Variants in ST6GALNAC2 observed in about 807,000 individuals in gnomAD.
ST6GALNAC2 encodes alpha-N-acetylgalactosaminide alpha-2,6-sialyltransferase 2.
In ST6GALNAC2, 42 loss-of-function variants were observed where a neutral mutation model predicts 38.7. That is an observed-to-expected ratio of 1.09 (90% CI 0.85 to 1.40). ST6GALNAC2 has a LOEUF of 1.40. ST6GALNAC2 is among the 40% of genes most tolerant of loss of function. The pLI, the probability that ST6GALNAC2 is intolerant of heterozygous loss-of-function variation, is 0.00. For missense variants in ST6GALNAC2, 506 were observed against 481.7 expected (o/e 1.05, Z -0.47); for synonymous variants, 233 against 209.0 (o/e 1.11, Z -0.99).
At chr17:76,566,712 AAAG>A (rs1418357302) in intron 8 of ST6GALNAC2, among the ~76,000 whole-genome samples, 7 of 151,864 alleles carry the variant, frequency 4.6e-5, no homozygotes, top group South Asian at 4.2e-4. Flanking sequence ...AAAAAAAAAA[AAAG>A]AGCTGGGCGT....
chr17:76,585,593 G>A, intron 1 of ST6GALNAC2, 91 bp downstream of exon 1: 2 of 1,374,504 alleles, frequency 1.5e-6, no homozygotes, highest in Middle Eastern at 2.7e-4. Flanking sequence ...TGGGCTGAGG[G>A]CTGCGGGCCG....
At position 76,566,232 on chromosome 17, in the gene ST6GALNAC2, A is replaced by T. The variant is rs749742258; in HGVS notation, c.997T>A (p.Phe333Ile). The T allele has an allele frequency of 6.2e-7, 1 of 1,614,110 alleles. No individual in the cohort carries two copies. Among genetic ancestry groups the T allele is most frequent in the South Asian group, 1.1e-5 (1 of 91,078 alleles). Residue 333 changes from phenylalanine to isoleucine, a missense_variant, in exon 9 of 9, where the codon TTT becomes ATT. Transcript: ENST00000225276. The stretch of plus-strand genomic sequence containing the variant: ...TTTCGTTCGAAATAGTGGTCGGAAA[A>T]TTTCCAGTAGTTGCTTGTGATGAAT... ...YGFITSNYWK[F>I]SDHYFERKMK...
intron 8 of ST6GALNAC2, among the ~76,000 whole-genome samples, chr17:76,566,578 C>T (rs1461173036): frequency 2.6e-5 from 4 of 152,056 alleles, no homozygotes; most frequent in Non-Finnish European, 5.9e-5. Context: ...TAGGAAAAGG[C>T]CCTGTGTGGT....
Position 76,573,179 on chromosome 17 carries a change from C to A in ST6GALNAC2, c.530+16G>T. The A allele has an allele frequency of 6.2e-7, 1 of 1,602,856 alleles. No homozygotes were observed. The highest frequency in any genetic ancestry group is 1.1e-5 in the South Asian group (1 of 89,706). On this transcript the variant is annotated intron_variant, in intron 4 of 8. Transcript: ENST00000225276. The surrounding 1 kb of genome is among the most constrained non-coding windows in gnomAD (Gnocchi z 5.1). ...AACTCTCCCTCCCGCCCCTCCCCAG[C>A]TCCTACCCCTCATACCTGAATACAT...
chr17:76,585,493 G>T (rs963375476), intron 1 of ST6GALNAC2, among the ~76,000 whole-genome samples, 191 bp downstream of exon 1: 2 of 152,216 alleles, frequency 1.3e-5, no homozygotes, highest in African/African-American at 4.8e-5. Context: ...TCCGGGCAGC[G>T]CGAGGTCAAG....
At position 76,565,942 on chromosome 17, in the gene ST6GALNAC2, G is replaced by C. The variant is rs2075275150; in HGVS notation, c.*162C>G. On this transcript the variant is annotated 3_prime_UTR_variant, in exon 9 of 9. Coordinates refer to ENST00000225276, the MANE Select transcript of ST6GALNAC2 (RefSeq NM_006456.3). ...TCTTGGATGAGCCAAGGACAAGCTG[G>C]GGTGTCCTATATTGAACAGACCTCG... 1.5e-6 allele frequency: 1 copy of C among 660,234 alleles called. No homozygotes were observed. Among genetic ancestry groups the C allele is most frequent in the East Asian group, 2.8e-5 (1 of 35,718 alleles). 40.9% of individuals were successfully genotyped at this position (660,234 alleles called of 1,614,324 possible).
At chr17:76,583,602 CT>C (rs78559643) in intron 1 of ST6GALNAC2, among the ~76,000 whole-genome samples, 526 of 11,544 alleles carry the variant, frequency 0.046, 1 homozygote, top group African/African-American at 0.086. Context: ...TGGTGAAGGC[CT>C]TTTTTTTTTT....
At chr17:76,583,920 G>A (rs1480399495) in intron 1 of ST6GALNAC2, among the ~76,000 whole-genome samples, 1 of 147,076 alleles carries the variant, frequency 6.8e-6, no homozygotes, top group Non-Finnish European at 1.5e-5. Context: ...CCATTCTCCT[G>A]CCTCAGCCTC....
chr17:76,575,679 G>A (rs1383445358), intron 2 of ST6GALNAC2, among the ~76,000 whole-genome samples: 1 of 152,110 alleles, frequency 6.6e-6, no homozygotes, highest in East Asian at 1.9e-4. Context: ...AGCAGCCACG[G>A]GGAAGGAACA....
At position 76,570,673 on chromosome 17, in the gene ST6GALNAC2, CAGAA is replaced by C. The variant is rs1278404450; in HGVS notation, c.670-9_670-6del. The stretch of plus-strand genomic sequence containing the variant: ...GATGAAGATATACTGCAGGTCCTGT[CAGAA>C]TAGAGACAATGAGCCCAGAGGGGAA... On this transcript the variant is annotated splice_region_variant and splice_polypyrimidine_tract_variant and intron_variant, in intron 5 of 8. Transcript: ENST00000225276. 1.2e-6 allele frequency: 2 copies of C among 1,605,610 alleles called. No individual in the cohort carries two copies. The highest frequency in any genetic ancestry group is 2.7e-5 in the African/African-American group (2 of 74,824).
rs769249554 is a variant in ST6GALNAC2 at position 76,574,414 on chromosome 17, G to A, written c.312C>T (p.Arg104=). The change falls in exon 3 of 9, where the codon CGC becomes CGT. Residue 104 remains arginine (R), a synonymous_variant. Coordinates refer to ENST00000225276, the MANE Select transcript of ST6GALNAC2 (RefSeq NM_006456.3). ...GDLFTPALWD[R]LSQHKAPYGW... Reference sequence around the variant, plus strand: ...CATACGGGGCTTTGTGTTGGCTCAGGCGGTCCCAGAGCGCTGGGGTGAAGA... The same window carrying A: ...CATACGGGGCTTTGTGTTGGCTCAGACGGTCCCAGAGCGCTGGGGTGAAGA... The A allele has an allele frequency of 9.3e-6, 15 of 1,613,884 alleles. No individual in the cohort carries two copies. The highest frequency in any genetic ancestry group is 1.3e-5 in the Non-Finnish European group (15 of 1,179,946).
intron 7 of ST6GALNAC2, 34 bp from the exon 8 acceptor site, chr17:76,567,586 C>G (rs778768290): frequency 1.6e-5 from 23 of 1,404,054 alleles, no homozygotes; most frequent in African/African-American, 2.8e-5. Context: ...AGCTCACTAG[C>G]TTGATGGCTA....
intron 7 of ST6GALNAC2, chr17:76,567,808 C>G: frequency 2.3e-6 from 1 of 430,646 alleles, no homozygotes; most frequent in Non-Finnish European, 4.3e-6. Context: ...TACTAAGTAA[C>G]CACACTGCCA....
intron 8 of ST6GALNAC2, among the ~76,000 whole-genome samples, chr17:76,566,844 G>A (rs2075289940): frequency 6.6e-6 from 1 of 152,074 alleles, no homozygotes; most frequent in Non-Finnish European, 1.5e-5. Context: ...CAAAAAAGAG[G>A]GAAAAGATTT....
rs572572697 is a variant in ST6GALNAC2, at chr17:76,573,314, C to T, written c.411G>A (p.Leu137=). The change falls in exon 4 of 9, where the codon CTG becomes CTA. Residue 137 remains leucine (L), a synonymous_variant. Coordinates refer to ENST00000225276, the MANE Select transcript of ST6GALNAC2 (RefSeq NM_006456.3). The surrounding 1 kb of genome is among the most constrained non-coding windows in gnomAD (Gnocchi z 5.1). ...SLLNGSESAK[L]FAPPRDTPPK... ...GAGGGGTGTCCCTGGGCGGGGCAAACAGCTTGGCACTCTCTGAGCCGTTCA... is the reference window on the plus strand; with the variant it reads ...GAGGGGTGTCCCTGGGCGGGGCAAATAGCTTGGCACTCTCTGAGCCGTTCA... 13 of 1,587,852 alleles carry T rather than the reference C, an allele frequency of 8.2e-6. No individual in the cohort carries two copies. Among genetic ancestry groups the T allele is most frequent in the Non-Finnish European group, 1.0e-5 (12 of 1,166,734 alleles).
rs751086325 is a variant in ST6GALNAC2 at position 76,572,707 on chromosome 17, G to C, written c.599C>G (p.Thr200Ser). 3 of 1,614,178 alleles carry C rather than the reference G, an allele frequency of 1.9e-6. No individual in the cohort carries two copies. The highest frequency in any genetic ancestry group is 2.2e-5 in the East Asian group (1 of 44,886). ...GAGGGAGTTCTTCATCGTGTTCACAGTGAAACCATAGAAGGAAGTCTTGGT... is the reference window on the plus strand; with the variant it reads ...GAGGGAGTTCTTCATCGTGTTCACACTGAAACCATAGAAGGAAGTCTTGGT... The part of the protein sequence containing the change: ...VGTKTSFYGF[T>S]VNTMKNSLVS... Residue 200 changes from threonine to serine, a missense_variant, in exon 5 of 9, where the codon ACT (threonine) becomes AGT (serine). Coordinates refer to ENST00000225276, the MANE Select transcript of ST6GALNAC2 (RefSeq NM_006456.3).
intron 1 of ST6GALNAC2, among the ~76,000 whole-genome samples, chr17:76,582,012 C>T (rs868804877): frequency 2.0e-5 from 3 of 151,706 alleles, no homozygotes; most frequent in African/African-American, 7.3e-5. Flanking sequence ...GGACTACAGG[C>T]GCATGCCACC....
At chr17:76,568,279 A>G (rs951473427) in intron 7 of ST6GALNAC2, 8 of 204,316 alleles carry the variant, frequency 3.9e-5, no homozygotes, top group East Asian at 1.3e-4. Context: ...GACGAGGACC[A>G]TATGCACATC....
chr17:76,575,357 A>T (rs1191542532), intron 2 of ST6GALNAC2, among the ~76,000 whole-genome samples: 1 of 152,140 alleles, frequency 6.6e-6, no homozygotes, highest in African/African-American at 2.4e-5. Context: ...GAGCCTTGGA[A>T]TGTGACCTTA....
Sources: gnomAD v4.1 joint callset for allele counts (sites outside exome capture counted in the v4.1 genomes callset) on GRCh38, gnomAD v4.1.1 for gene constraint, Gnocchi (gnomAD v3.1) non-coding constraint, MANE v1.5 for transcripts, NCBI Gene and HGNC (gene_info 2026-07-23, HGNC 2026-07-21) for gene names.